Variants in CYP19A1 observed in about 807,000 individuals in gnomAD.
CYP19A1 encodes cytochrome P450 family 19 subfamily A member 1.
CYP19A1 carries 32 observed loss-of-function variants against 44.4 expected under a neutral mutation model. The ratio of observed to expected loss-of-function variants is 0.72; its 90% CI spans 0.54 to 0.97. The LOEUF (loss-of-function observed/expected upper bound fraction) is 0.97, where lower values mean the gene tolerates loss of function less well. Ranked by LOEUF, CYP19A1 falls within the 50% of genes least tolerant of loss-of-function variation. CYP19A1 has a pLI of 0.00. For missense variants in CYP19A1, 598 were observed against 637.8 expected (o/e 0.94, Z 0.67); for synonymous variants, 212 against 215.6 (o/e 0.98, Z 0.14).
chr15:51,227,239 C>T (rs1186887652), intron 4 of CYP19A1, among the ~76,000 whole-genome samples: 1 of 152,090 alleles, frequency 6.6e-6, no homozygotes. Flanking sequence ...TACTTAACCT[C>T]ATTTTCTGTG....
intron 1 of CYP19A1, among the ~76,000 whole-genome samples, chr15:51,310,852 C>T (rs1027808629): frequency 6.6e-6 from 1 of 152,142 alleles, no homozygotes; most frequent in Non-Finnish European, 1.5e-5. Context: ...ATGTAGGAGC[C>T]AGCACAAGTC....
chr15:51,306,796 G>A (rs569491647), intron 1 of CYP19A1, among the ~76,000 whole-genome samples: 1 of 152,146 alleles, frequency 6.6e-6, no homozygotes, highest in African/African-American at 2.4e-5. Context: ...GACAATCAAA[G>A]GTGGAATTGC....
Position 51,294,749 on chromosome 15 carries a change from C to T in CYP19A1, c.-39+43746G>A, listed in dbSNP as rs542325459. ...CGCCCCCCGGGAGGGAGGTGAGGGGCGCCTCTGCCCGGCTGCCCCTACTGG... is the reference window on the plus strand; with the variant it reads ...CGCCCCCCGGGAGGGAGGTGAGGGGTGCCTCTGCCCGGCTGCCCCTACTGG... On this transcript the variant is annotated intron_variant, in intron 1 of 9. Transcript: ENST00000396402. Among the ~76,000 whole-genome samples, 174 of 151,098 alleles carry T rather than the reference C, an allele frequency of 1.2e-3. 1 individual carries two copies. The highest frequency in any genetic ancestry group is 4.0e-3 in the African/African-American group (164 of 40,986).
At chr15:51,215,865 C>G (rs112056405) in intron 6 of CYP19A1, 48 bp from the exon 7 acceptor site, 34 of 1,609,332 alleles carry the variant, frequency 2.1e-5, no homozygotes, top group Middle Eastern at 1.6e-4. Context: ...GTTTAGACAT[C>G]TAGCGAAACA....
chr15:51,213,215 C>T (rs1403378781), intron 8 of CYP19A1, among the ~76,000 whole-genome samples: 3 of 152,318 alleles, frequency 2.0e-5, no homozygotes, highest in Non-Finnish European at 4.4e-5. Flanking sequence ...AGTAGAGTGA[C>T]AAGGATGTTC....
intron 1 of CYP19A1, among the ~76,000 whole-genome samples, chr15:51,276,587 T>C (rs2035317848): frequency 6.6e-6 from 1 of 152,216 alleles, no homozygotes. Context: ...CCACAAACCA[T>C]TTCTACAGTA....
intron 1 of CYP19A1, among the ~76,000 whole-genome samples, chr15:51,288,875 G>A (rs1347304134): frequency 1.3e-5 from 2 of 152,124 alleles, no homozygotes; most frequent in African/African-American, 4.8e-5. Context: ...ACACCGATGA[G>A]ACAGCCCTGC....
chr15:51,267,409 G>C (rs958451745), intron 1 of CYP19A1, among the ~76,000 whole-genome samples: 5 of 152,204 alleles, frequency 3.3e-5, no homozygotes, highest in Admixed American at 3.3e-4. Flanking sequence ...TGTCTCGGCA[G>C]GGTTTATTTG....
In CYP19A1 at chr15:51,211,064, A is replaced by G. The variant is rs774570918; in HGVS notation, c.1264-8T>C. 4 of 1,569,380 alleles carry G rather than the reference A, an allele frequency of 2.5e-6. No homozygotes were observed. Among genetic ancestry groups the G allele is most frequent in the African/African-American group, 2.7e-5 (2 of 73,938 alleles). ...AAAGTACCTATAAGGAACCTATGAA[A>G]ATGATCAGACAGTTAGCCAGAATAT... On this transcript the variant is annotated splice_region_variant and splice_polypyrimidine_tract_variant and intron_variant, in intron 9 of 9. Coordinates refer to ENST00000396402, the MANE Select transcript of CYP19A1 (RefSeq NM_000103.4).
chr15:51,319,938 C>A (rs529586627), intron 1 of CYP19A1, among the ~76,000 whole-genome samples: 25 of 152,322 alleles, frequency 1.6e-4, no homozygotes, highest in African/African-American at 6.0e-4. Context: ...TTCAGATGAG[C>A]TCATGGATGT....
intron 1 of CYP19A1, among the ~76,000 whole-genome samples, chr15:51,277,753 TC>T (rs1485253862): frequency 2.0e-5 from 3 of 152,104 alleles, no homozygotes; most frequent in Non-Finnish European, 4.4e-5. Flanking sequence ...GATAGATTGT[TC>T]CCCTCCTTCC....
intron 1 of CYP19A1, among the ~76,000 whole-genome samples, chr15:51,303,232 C>T (rs2036150490): frequency 6.6e-6 from 1 of 152,080 alleles, no homozygotes; most frequent in African/African-American, 2.4e-5. Flanking sequence ...TCTTCACTCC[C>T]CAGTGACCTG....
chr15:51,286,475 C>G (rs1195868758), intron 1 of CYP19A1, among the ~76,000 whole-genome samples: 1 of 152,152 alleles, frequency 6.6e-6, no homozygotes, highest in Non-Finnish European at 1.5e-5. Flanking sequence ...CTATCTGACC[C>G]ACAGTATGGT....
At chr15:51,329,407 C>A (rs2036664250) in intron 1 of CYP19A1, among the ~76,000 whole-genome samples, 1 of 152,210 alleles carries the variant, frequency 6.6e-6, no homozygotes, top group South Asian at 2.1e-4. Flanking sequence ...ATTTCCACCC[C>A]TTTTCAGTGT....
intron 1 of CYP19A1, among the ~76,000 whole-genome samples, chr15:51,262,384 C>T (rs1274861444): frequency 6.6e-6 from 1 of 152,168 alleles, no homozygotes; most frequent in African/African-American, 2.4e-5. Flanking sequence ...GTGTGTGTGT[C>T]TTTAATTCCT....
At chr15:51,331,909 GTATGTGTGTGTA>G (rs924752713) in intron 1 of CYP19A1, among the ~76,000 whole-genome samples, 137 of 150,120 alleles carry the variant, frequency 9.1e-4, no homozygotes, top group South Asian at 4.2e-4. Flanking sequence ...TTTATTTCTT[GTATGTGTGTGTA>G]TATATATATA....
intron 1 of CYP19A1, among the ~76,000 whole-genome samples, chr15:51,285,523 C>T (rs1297340420): frequency 6.6e-6 from 1 of 152,184 alleles, no homozygotes; most frequent in East Asian, 1.9e-4. Context: ...AAAGCTGAGG[C>T]AGGGTTTGCA....
intron 9 of CYP19A1, 86 bp downstream of exon 9, chr15:51,212,234 T>A: frequency 1.1e-6 from 1 of 950,162 alleles, no homozygotes; most frequent in Non-Finnish European, 1.7e-6. Flanking sequence ...ATGAAGTATT[T>A]ATGGTGCAAA....
At chr15:51,257,402 G>T in intron 1 of CYP19A1, among the ~76,000 whole-genome samples, 1 of 152,126 alleles carries the variant, frequency 6.6e-6, no homozygotes, top group Middle Eastern at 3.4e-3. Context: ...GGGGCAGGAC[G>T]CAGGAAGGTG....
Sources: allele counts gnomAD v4.1 joint callset (sites outside exome capture counted in the v4.1 genomes callset), GRCh38; gene constraint gnomAD v4.1.1; transcripts MANE v1.5; gene names NCBI Gene and HGNC (gene_info 2026-07-23, HGNC 2026-07-21).